RNF208: variants seen among roughly 807,000 people sequenced by gnomAD.
RNF208 encodes the protein ring finger protein 208.
RNF208 carries 7 observed loss-of-function variants against 15.2 expected under a neutral mutation model. The ratio of observed to expected loss-of-function variants is 0.46; its 90% confidence interval spans 0.26 to 0.86. The LOEUF (loss-of-function observed/expected upper bound fraction) is 0.86, where lower values mean the gene tolerates loss of function less well. Ranked by LOEUF, RNF208 falls within the 40% of genes least tolerant of loss-of-function variation. The pLI is 0.16. For missense variants in RNF208, 342 were observed against 364.1 expected, an observed-to-expected ratio of 0.94 and a Z score of 0.49; for synonymous variants, 211 against 163.2, an observed-to-expected ratio of 1.29 and a Z score of -2.23.
At position 137,221,147 on chromosome 9, in the gene RNF208, C is replaced by T. The variant is rs1374657992; in HGVS notation, c.66G>A (p.Lys22=). 2.5e-6 allele frequency: 4 copies of T among 1,581,348 alleles called. No homozygotes were observed. The South Asian group carries it at 4.6e-5, about 18-fold the overall frequency. ...GWPGLLMSCL[K]GPHVILKMEA... is the part of the protein sequence containing the mutation. ...CCATCTTGAGGATGACATGGGGACC[C>T]TTCAGGCAGGACATGAGGAGGCCCG... Residue 22 remains lysine (K), a synonymous_variant, in exon 2 of 2, where the codon AAG becomes AAA. Coordinates refer to ENST00000391553, the MANE Select transcript of RNF208 (RefSeq NM_031297.7).
chr9:137,222,270 G>C (rs1212069814), upstream of RNF208, among the ~76,000 whole-genome samples: 1 of 146,596 alleles, frequency 6.8e-6, no homozygotes, highest in Non-Finnish European at 1.5e-5. Flanking sequence ...CGCAGTGCGC[G>C]CGGCGCCCGC....
At position 137,222,165 on chromosome 9, in the gene RNF208, G is replaced by A. The variant is rs1197634001; in HGVS notation, c.-703C>T. Reference sequence around the variant, plus strand: ...CCGGGCGGCACCGAGGGGCGCGGGCGCGGGCGTGGGGCGCGGGGCGCGGGT... The same window carrying A: ...CCGGGCGGCACCGAGGGGCGCGGGCACGGGCGTGGGGCGCGGGGCGCGGGT... On this transcript the variant is annotated 5_prime_UTR_variant, in exon 1 of 2. Transcript: ENST00000391553. 1.4e-5 allele frequency among the ~76,000 whole-genome samples: 2 copies of A among 146,164 alleles called. No individual in the cohort carries two copies. The highest frequency in any genetic ancestry group is 1.5e-5 in the Non-Finnish European group (1 of 65,788).
rs1835828093 is a variant in RNF208, at chr9:137,220,268, G to C, written c.*159C>G. The C allele has an allele frequency of 1.2e-6, 1 of 812,066 alleles. No individual in the cohort carries two copies. The highest frequency in any genetic ancestry group is 1.7e-5 in the African/African-American group (1 of 57,664). 50.3% of individuals were successfully genotyped at this position (812,066 alleles called of 1,614,324 possible). On this transcript the variant is annotated 3_prime_UTR_variant, in exon 2 of 2. Coordinates refer to ENST00000391553, the MANE Select transcript of RNF208 (RefSeq NM_031297.7). Reference sequence around the variant, plus strand: ...AGGAACAGGTGCAAACTTTGGCAAAGAGTTTTAATGGCAAAGTTGGCTGCA... The same window carrying C: ...AGGAACAGGTGCAAACTTTGGCAAACAGTTTTAATGGCAAAGTTGGCTGCA...
chr9:137,222,855 C>T (rs1156471439), upstream of RNF208, among the ~76,000 whole-genome samples: 5 of 152,200 alleles, frequency 3.3e-5, no homozygotes, highest in Non-Finnish European at 5.9e-5. Flanking sequence ...GGCACTCCAG[C>T]GCGCAGGCCC....
upstream of RNF208, among the ~76,000 whole-genome samples, chr9:137,223,379 C>A (rs1049268082): frequency 2.6e-5 from 4 of 152,184 alleles, no homozygotes; most frequent in Admixed American, 1.3e-4. Context: ...CTCTGCTCAC[C>A]GACCCGGCGT....
chr9:137,221,195 C>A lies in RNF208; in HGVS notation c.18G>T (p.Gly6=). 1 of 1,514,760 alleles carries A rather than the reference C, an allele frequency of 6.6e-7. No individual in the cohort carries two copies. The allele number at this position is 1,514,760 out of a possible 1,614,324, so 93.8% of individuals were successfully genotyped here. A position where few individuals can be genotyped will look rare whatever the true frequency, so the allele number is the denominator to read the frequency against. MPSDP[G]PEAGSGWPGL... ...CCGGCCAGCCACTGCCCGCCTCGGG[C>A]CCGGGGTCAGAGGGCATCCGGCTGT... Residue 6 remains glycine, a synonymous_variant, in exon 2 of 2, where the codon GGG becomes GGT. Coordinates refer to ENST00000391553, the MANE Select transcript of RNF208 (RefSeq NM_031297.7).
At chr9:137,223,335 CTGGGGA>C (rs1835903243), upstream of RNF208, among the ~76,000 whole-genome samples, 1 of 152,222 alleles carries the variant, frequency 6.6e-6, no homozygotes, top group African/African-American at 2.4e-5. Flanking sequence ...CAGCCTGGGC[CTGGGGA>C]GGGCCGGGAG....
At position 137,220,626 on chromosome 9, in the gene RNF208, A is replaced by G. The variant is rs1835845176; in HGVS notation, c.587T>C (p.Phe196Ser). ...CPTCRRETVL[F>S]TDYGLAALAV... Reference sequence around the variant, plus strand: ...CAGCGCGGCCAGGCCGTAGTCGGTGAAGAGCACAGTCTCACGGCGGCAGGT... The same window carrying G: ...CAGCGCGGCCAGGCCGTAGTCGGTGGAGAGCACAGTCTCACGGCGGCAGGT... The change falls in exon 2 of 2, where the codon TTC becomes TCC. Residue 196 changes from phenylalanine to serine, a missense_variant. By Grantham distance (155) the Phe-to-Ser change is radical (BLOSUM62 -2). Coordinates refer to ENST00000391553, the MANE Select transcript of RNF208 (RefSeq NM_031297.7). 6.2e-7 allele frequency: 1 copy of G among 1,612,414 alleles called. No individual in the cohort carries two copies. Among genetic ancestry groups the G allele is most frequent in the Admixed American group, 1.7e-5 (1 of 59,980 alleles).
At chr9:137,222,931 C>T (rs547869723), upstream of RNF208, among the ~76,000 whole-genome samples, 5 of 152,356 alleles carry the variant, frequency 3.3e-5, no homozygotes, top group African/African-American at 1.2e-4. Flanking sequence ...CCTGTGGAGC[C>T]CTCGGGCTTG....
Position 137,220,738 on chromosome 9 carries a change from C to T in RNF208, c.475G>A (p.Val159Met), listed in dbSNP as rs199738563. The T allele has an allele frequency of 6.2e-6, 10 of 1,612,392 alleles. No homozygotes were observed. Among genetic ancestry groups the T allele is most frequent in the South Asian group, 3.3e-5 (3 of 91,082 alleles). The change falls in exon 2 of 2, where the codon GTG (valine) becomes ATG (methionine). Residue 159 changes from valine to methionine, a missense_variant. By Grantham distance (21) the Val-to-Met change is conservative. Transcript: ENST00000391553. Reference sequence around the variant, plus strand: ...CACACAGAGTGCAGGCAGGACAGCACGCGGGGCCTCCGCTGGGTGACATTG... The same window carrying T: ...CACACAGAGTGCAGGCAGGACAGCATGCGGGGCCTCCGCTGGGTGACATTG... ...SYNVTQRRPR[V>M]LSCLHSVCEQ... is the part of the protein sequence containing the mutation.
chr9:137,221,894 C>T (rs1302704185), intron 1 of RNF208, among the ~76,000 whole-genome samples, 95 bp downstream of exon 1: 2 of 152,060 alleles, frequency 1.3e-5, no homozygotes, highest in East Asian at 1.9e-4. Context: ...CCCCGGTCCC[C>T]GCCTCCAAGG....
rs1835881410 is a variant in RNF208 at position 137,222,209 on chromosome 9, G to T, written c.-747C>A. Among the ~76,000 whole-genome samples, 1 of 146,242 alleles carries T rather than the reference G, an allele frequency of 6.8e-6. No homozygotes were observed. Among genetic ancestry groups the T allele is most frequent in the Non-Finnish European group, 1.5e-5 (1 of 65,806 alleles). On this transcript the variant is annotated 5_prime_UTR_variant, in exon 1 of 2. Coordinates refer to ENST00000391553, the MANE Select transcript of RNF208 (RefSeq NM_031297.7). ...CGCGGGTTTCGGCACGGCGGCGACG[G>T]CGGCAGGTGCGTGCGGAGCGTGGCG...
Position 137,220,749 on chromosome 9 carries a change from C to T in RNF208, c.464G>A (p.Arg155Gln), listed in dbSNP as rs765947416. ...TCGHSYNVTQ[R>Q]RPRVLSCLHS... ...CAGGCAGGACAGCACGCGGGGCCTC[C>T]GCTGGGTGACATTGTAGGAGTGCCC... Residue 155 changes from arginine to glutamine, a missense_variant, in exon 2 of 2, where the codon CGG becomes CAG. By Grantham distance (43) the Arg-to-Gln change is conservative. Around this residue, in one of 3 missense-constraint regions of RNF208, gnomAD observed 76 missense variants for 118.0 expected, o/e 0.64. Coordinates refer to ENST00000391553, the MANE Select transcript of RNF208 (RefSeq NM_031297.7). 9 of 1,612,208 alleles carry T rather than the reference C, an allele frequency of 5.6e-6. No homozygotes were observed. Among genetic ancestry groups the T allele is most frequent in the Non-Finnish European group, 7.6e-6 (9 of 1,179,826 alleles).
Position 137,221,000 on chromosome 9 carries a change from C to T in RNF208, c.213G>A (p.Glu71=), listed in dbSNP as rs769506491. 1.3e-6 allele frequency: 2 copies of T among 1,572,448 alleles called. No individual in the cohort carries two copies. Among genetic ancestry groups the T allele is most frequent in the African/African-American group, 2.7e-5 (2 of 74,424 alleles). The part of the protein sequence containing the change: ...APKRAWPSDT[E]IIVNQACGGD... ...CCCCACAGGCCTGGTTGACAATGAT[C>T]TCTGTGTCTGAGGGCCAGGCACGCT... Residue 71 remains glutamate (E), a synonymous_variant, in exon 2 of 2, where the codon GAG becomes GAA. Coordinates refer to ENST00000391553, the MANE Select transcript of RNF208 (RefSeq NM_031297.7).
chr9:137,221,125 T>C lies in RNF208; in HGVS notation c.88A>G (p.Met30Val). 1 of 1,602,526 alleles carries C rather than the reference T, an allele frequency of 6.2e-7. No individual in the cohort carries two copies. The highest frequency in any genetic ancestry group is 8.5e-7 in the Non-Finnish European group (1 of 1,174,378). Residue 30 changes from methionine (M) to valine (V), a missense_variant, in exon 2 of 2, where the codon ATG becomes GTG. This residue lies in a region of RNF208 where 207 missense variants were observed against 193.7 expected (regional missense o/e 1.07). Transcript: ENST00000391553. ...GGGTGGACAATCTTCATGGCCTCCA[T>C]CTTGAGGATGACATGGGGACCCTTC... ...CLKGPHVILK[M>V]EAMKIVHPEK...
chr9:137,222,127 G>C lies in RNF208; in HGVS notation c.-665C>G, dbSNP rs1835880179. Among the ~76,000 whole-genome samples, 1 of 146,712 alleles carries C rather than the reference G, an allele frequency of 6.8e-6. No homozygotes were observed. The highest frequency in any genetic ancestry group is 1.5e-5 in the Non-Finnish European group (1 of 66,014). The stretch of plus-strand genomic sequence containing the variant: ...CCGGCGGCGGCCGCAGCGACCTCAG[G>C]CGATGGCGGGGCCCGGGCGGCACCG... On this transcript the variant is annotated 5_prime_UTR_variant, in exon 1 of 2. Transcript: ENST00000391553.
chr9:137,220,976 C>A lies in RNF208; in HGVS notation c.237G>T (p.Gly79=), dbSNP rs990160130. The change falls in exon 2 of 2, where the codon GGG becomes GGT. Residue 79 remains glycine (G), a synonymous_variant. Transcript: ENST00000391553. ...CCCCTTCCAAGGCAGGCATGTCCCC[C>A]CCACAGGCCTGGTTGACAATGATCT... ...DTEIIVNQAC[G]GDMPALEGAP... 5.2e-6 allele frequency: 8 copies of A among 1,551,680 alleles called. No homozygotes were observed. Among genetic ancestry groups the A allele is most frequent in the African/African-American group, 1.3e-5 (1 of 74,118 alleles).
chr9:137,222,491 G>A (rs1201003683), upstream of RNF208, among the ~76,000 whole-genome samples: 3 of 152,140 alleles, frequency 2.0e-5, no homozygotes, highest in South Asian at 2.1e-4. Context: ...AGGAGAATCC[G>A]GCTGTTCTCC....
chr9:137,222,751 G>T (rs1564408942), upstream of RNF208, among the ~76,000 whole-genome samples: 1 of 152,274 alleles, frequency 6.6e-6, no homozygotes, highest in Non-Finnish European at 1.5e-5. Flanking sequence ...GTGGACGGAC[G>T]GGTCCGGTGG....
Sources: gnomAD v4.1 joint callset for allele counts (sites outside exome capture counted in the v4.1 genomes callset) on GRCh38, gnomAD v4.1.1 for gene constraint, gnomAD v4.1.1 regional missense constraint, MANE v1.5 for transcripts, NCBI Gene and HGNC (gene_info 2026-07-23, HGNC 2026-07-21) for gene names.